PBX1: variants seen among roughly 807,000 people sequenced by gnomAD.
PBX1 encodes PBX homeobox 1.
In PBX1, 6 loss-of-function variants were observed where a neutral mutation model predicts 53.4. The ratio of observed to expected loss-of-function variants is 0.11; its 90% CI spans 0.06 to 0.22. The LOEUF (loss-of-function observed/expected upper bound fraction) is 0.22, where lower values mean the gene tolerates loss of function less well. Ranked by LOEUF, PBX1 falls within the 10% of genes least tolerant of loss-of-function variation. The probability of loss-of-function intolerance (pLI) is 1.00; values close to 1 mark genes in which losing one functional copy is unlikely to be tolerated. For synonymous variants in PBX1, 204 were observed against 212.3 expected (o/e 0.96, Z 0.34); for missense variants, 251 against 551.4 (o/e 0.46, Z 5.46).
intron 2 of PBX1, among the ~76,000 whole-genome samples, chr1:164,591,702 C>T (rs1202739394): frequency 6.6e-6 from 1 of 152,248 alleles, no homozygotes; most frequent in East Asian, 1.9e-4. Flanking sequence ...TTTAATGTTT[C>T]CTAACCCAGG....
intron 4 of PBX1, among the ~76,000 whole-genome samples, chr1:164,804,748 A>G (rs1316959126): frequency 1.3e-5 from 2 of 152,256 alleles, no homozygotes; most frequent in African/African-American, 2.4e-5. Flanking sequence ...AAGGTAAGAA[A>G]GCAGGAAGAG....
intron 8 of PBX1, among the ~76,000 whole-genome samples, chr1:164,845,915 G>A (rs1275817530): frequency 1.3e-5 from 2 of 152,118 alleles, no homozygotes; most frequent in Non-Finnish European, 2.9e-5. Context: ...AGTATTTCCT[G>A]ATGTTGCAAC....
intron 2 of PBX1, chr1:164,639,461 G>A (rs1167513219): frequency 6.6e-6 from 1 of 152,170 alleles, no homozygotes; most frequent in Admixed American, 6.5e-5. Flanking sequence ...AGTTAGGATG[G>A]TTTGCTCCCA....
At chr1:164,603,928 C>CTTTTTTTTTTTTT (rs1557885817) in intron 2 of PBX1, among the ~76,000 whole-genome samples, 2 of 48,734 alleles carry the variant, frequency 4.1e-5, no homozygotes, top group South Asian at 7.7e-4. Flanking sequence ...TATGTCATTT[C>CTTTTTTTTTTTTT]ATTTTTTTTT....
rs758713117 is a variant in PBX1 at position 164,792,657 on chromosome 1, C to T, written c.429C>T (p.Asn143=). ...CTTCTGGAGGGGCAGGTTCAGACAA[C>T]TCAGTGGAGCATTCAGATTACAGAG... ...AAASGGAGSD[N]SVEHSDYRAK... The change falls in exon 3 of 9, where the codon AAC becomes AAT. Residue 143 remains asparagine (N), a synonymous_variant. Transcript: ENST00000420696. 6.2e-7 allele frequency: 1 copy of T among 1,614,024 alleles called. No homozygotes were observed. Among genetic ancestry groups the T allele is most frequent in the Admixed American group, 1.7e-5 (1 of 60,008 alleles).
chr1:164,830,267 G>A (rs1266133596), intron 8 of PBX1, among the ~76,000 whole-genome samples: 2 of 152,176 alleles, frequency 1.3e-5, no homozygotes, highest in African/African-American at 4.8e-5. Context: ...AAAATTGGCA[G>A]GAGAGTGATA....
Position 164,812,144 on chromosome 1 carries a change from C to G in PBX1, c.992C>G (p.Ser331Trp). 1 of 1,607,704 alleles carries G rather than the reference C, an allele frequency of 6.2e-7. No individual in the cohort carries two copies. The highest frequency in any genetic ancestry group is 8.5e-7 in the Non-Finnish European group (1 of 1,176,568). Residue 331 changes from serine (S) to tryptophan (W), a missense_variant, in exon 6 of 9, where the codon TCG (serine) becomes TGG (tryptophan). Physicochemically the swap from Ser to Trp is radical, Grantham distance 177. Transcript: ENST00000420696. The part of the protein sequence containing the change: ...SQANSPSTPN[S>W]AGSSSSFNMS... ...GCTAACTCGCCCTCAACTCCCAACT[C>G]GGCTGGTTAGTTTTTTCTTTGATTG... is the stretch of plus-strand genomic sequence containing the variant.
intron 2 of PBX1, among the ~76,000 whole-genome samples, chr1:164,689,828 G>A (rs533323796): frequency 8.6e-5 from 13 of 151,310 alleles, no homozygotes; most frequent in East Asian, 1.9e-4. Flanking sequence ...CTCTCTCCCC[G>A]TGCCCTGCTC....
At chr1:164,651,354 G>T (rs1659804224) in intron 2 of PBX1, among the ~76,000 whole-genome samples, 1 of 151,930 alleles carries the variant, frequency 6.6e-6, no homozygotes, top group Non-Finnish European at 1.5e-5. Flanking sequence ...GGCTCATTTT[G>T]TCCCCTTTGC....
Position 164,559,271 on chromosome 1 carries a change from G to A in PBX1, c.-552G>A, listed in dbSNP as rs544145822. 5 of 190,028 alleles carry A rather than the reference G, an allele frequency of 2.6e-5. No individual in the cohort carries two copies. The South Asian group carries it at 5.9e-4, about 22-fold the overall frequency. The allele number at this position is 190,028 out of a possible 1,614,324, so 11.8% of individuals were successfully genotyped here. ...CTGTGCTTTGCCTGCCGCCGCGGCT[G>A]GGGGAGATCTGGCTTTTGCAACAGC... On this transcript the variant is annotated 5_prime_UTR_variant, in exon 1 of 9. Coordinates refer to ENST00000420696, the MANE Select transcript of PBX1 (RefSeq NM_002585.4).
chr1:164,609,540 C>T (rs987269882), intron 2 of PBX1, among the ~76,000 whole-genome samples: 3 of 152,174 alleles, frequency 2.0e-5, no homozygotes, highest in Non-Finnish European at 2.9e-5. Context: ...CCTCAAATCC[C>T]ATTTCTCTCC....
chr1:164,868,416 T>C (rs1271512727), intron 2 of PBX1, among the ~76,000 whole-genome samples: 1 of 152,196 alleles, frequency 6.6e-6, no homozygotes, highest in African/African-American at 2.4e-5. Context: ...CGTTGGTGTT[T>C]GGACCTGAGT....
At chr1:164,732,410 A>T (rs1048951496) in intron 2 of PBX1, among the ~76,000 whole-genome samples, 2 of 152,080 alleles carry the variant, frequency 1.3e-5, no homozygotes, top group African/African-American at 4.8e-5. Context: ...TGACTGTAGG[A>T]CTATTAAAAA....
At chr1:164,698,045 T>C (rs1053706462) in intron 2 of PBX1, among the ~76,000 whole-genome samples, 1 of 152,180 alleles carries the variant, frequency 6.6e-6, no homozygotes, top group Non-Finnish European at 1.5e-5. Flanking sequence ...TTGGATTTTC[T>C]AGTGTCGGGC....
intron 2 of PBX1, among the ~76,000 whole-genome samples, chr1:164,876,468 A>C (rs891044818): frequency 2.0e-5 from 3 of 151,036 alleles, no homozygotes; most frequent in African/African-American, 7.3e-5. Context: ...CCATGCAGGG[A>C]TATTGAAAGG....
intron 8 of PBX1, among the ~76,000 whole-genome samples, chr1:164,845,547 T>C (rs142725663): frequency 3.8e-4 from 58 of 152,348 alleles, no homozygotes; most frequent in Middle Eastern, 3.4e-3. Context: ...AGCACACTTA[T>C]ATTTCAATGC....
intron 2 of PBX1, among the ~76,000 whole-genome samples, chr1:164,579,578 G>A (rs1390533039): frequency 5.9e-5 from 9 of 152,180 alleles, no homozygotes; most frequent in East Asian, 1.9e-4. Context: ...CCCTGGAGGC[G>A]TCTCTGACTC....
At chr1:164,580,587 G>C (rs763311876) in intron 2 of PBX1, among the ~76,000 whole-genome samples, 7 of 151,282 alleles carry the variant, frequency 4.6e-5, no homozygotes, top group Non-Finnish European at 2.9e-5. Context: ...AGCCAAGTTT[G>C]TTTTTTGAGA....
chr1:164,703,586 C>T (rs892955951), intron 2 of PBX1, among the ~76,000 whole-genome samples: 3 of 152,178 alleles, frequency 2.0e-5, no homozygotes, highest in Non-Finnish European at 4.4e-5. Flanking sequence ...CTGAGACGAC[C>T]AGTTAGCCAA....
Sources: gnomAD v4.1 joint callset for allele counts (sites outside exome capture counted in the v4.1 genomes callset) on GRCh38, gnomAD v4.1.1 for gene constraint, MANE v1.5 for transcripts, NCBI Gene and HGNC (gene_info 2026-07-23, HGNC 2026-07-21) for gene names.